The following NT5C2 variants were observed in gnomAD, a reference collection of about 807,000 sequenced individuals.
The protein encoded by NT5C2 is cytosolic purine 5'-nucleotidase.
A neutral mutation model predicts 76.1 loss-of-function variants in NT5C2; 58 were observed. That is an observed-to-expected ratio of 0.76 (90% CI 0.62 to 0.95). The LOEUF is 0.95. NT5C2 is among the 40% of genes least tolerant of loss of function. NT5C2 has a pLI of 0.00. For synonymous variants in NT5C2, 229 were observed against 237.4 expected, an observed-to-expected ratio of 0.96 and a Z score of 0.32; for missense variants, 478 against 690.3, an observed-to-expected ratio of 0.69 and a Z score of 3.45.
At chr10:103,126,493 A>G (rs2076681693) in intron 4 of NT5C2, among the ~76,000 whole-genome samples, 1 of 152,112 alleles carries the variant, frequency 6.6e-6, no homozygotes. Context: ...GCGGTGGTGC[A>G]TGCCTGTAGT....
intron 4 of NT5C2, among the ~76,000 whole-genome samples, chr10:103,129,847 T>C (rs1298026512): frequency 1.3e-5 from 1 of 75,564 alleles, no homozygotes; most frequent in African/African-American, 6.0e-5. Flanking sequence ...GGAGCCCCTC[T>C]GCCCGGCCAG....
chr10:103,089,639 T>G lies in NT5C2; in HGVS notation c.*33A>C. ...TTCCTGTGAGTCCTGCCAGGACTTGTTTAATGGGTGCTTGGGGTTTTGGTT... is the reference window on the plus strand; with the variant it reads ...TTCCTGTGAGTCCTGCCAGGACTTGGTTAATGGGTGCTTGGGGTTTTGGTT... On this transcript the variant is annotated 3_prime_UTR_variant, in exon 19 of 19. Transcript: ENST00000404739. 1 of 1,552,586 alleles carries G rather than the reference T, an allele frequency of 6.4e-7. No homozygotes were observed. The highest frequency in any genetic ancestry group is 8.7e-7 in the Non-Finnish European group (1 of 1,149,382).
intron 2 of NT5C2, among the ~76,000 whole-genome samples, chr10:103,175,191 A>T (rs1206557746): frequency 6.6e-6 from 1 of 152,216 alleles, no homozygotes; most frequent in Non-Finnish European, 1.5e-5. Flanking sequence ...TGGTAATTTC[A>T]ATCCGGAAAG....
chr10:103,112,491 G>C (rs1050051230), intron 4 of NT5C2, among the ~76,000 whole-genome samples: 2 of 152,148 alleles, frequency 1.3e-5, no homozygotes, highest in African/African-American at 4.8e-5. Flanking sequence ...AAACTACCTA[G>C]TCTAGTAAAA....
chr10:103,159,455 G>C (rs1338101098), intron 3 of NT5C2, among the ~76,000 whole-genome samples: 4 of 151,746 alleles, frequency 2.6e-5, no homozygotes, highest in African/African-American at 9.7e-5. Flanking sequence ...CACCAGACTG[G>C]ACAACATAGC....
At chr10:103,097,605 A>C (rs956553192) in intron 10 of NT5C2, among the ~76,000 whole-genome samples, 5 of 152,206 alleles carry the variant, frequency 3.3e-5, no homozygotes, top group African/African-American at 7.2e-5. Flanking sequence ...AATTATACAC[A>C]TATTTATAGG....
At chr10:103,155,091 A>G (rs550023764) in intron 3 of NT5C2, among the ~76,000 whole-genome samples, 1 of 152,370 alleles carries the variant, frequency 6.6e-6, no homozygotes, top group South Asian at 2.1e-4. Flanking sequence ...CCATGCATAC[A>G]TTAAACAAAT....
chr10:103,185,287 A>C (rs2091862732), intron 1 of NT5C2, among the ~76,000 whole-genome samples: 2 of 152,076 alleles, frequency 1.3e-5, no homozygotes, highest in African/African-American at 4.8e-5. Context: ...TACAATTTTT[A>C]CATTCAGACG....
At chr10:103,158,053 C>A (rs2083838096) in intron 3 of NT5C2, among the ~76,000 whole-genome samples, 1 of 149,318 alleles carries the variant, frequency 6.7e-6, no homozygotes. Flanking sequence ...AGCATGACAA[C>A]AGAGCGAGAC....
chr10:103,190,803 C>T (rs1040966019), intron 1 of NT5C2, among the ~76,000 whole-genome samples: 4 of 152,170 alleles, frequency 2.6e-5, no homozygotes, highest in African/African-American at 9.7e-5. Context: ...CATTACAACA[C>T]TTATTCAACA....
intron 4 of NT5C2, among the ~76,000 whole-genome samples, chr10:103,126,902 C>G (rs2076774640): frequency 6.6e-6 from 1 of 152,118 alleles, no homozygotes; most frequent in African/African-American, 2.4e-5. Flanking sequence ...ACCTCAAACT[C>G]CTGGGCTCAA....
At chr10:103,165,328 T>C (rs1380620893) in intron 3 of NT5C2, among the ~76,000 whole-genome samples, 2 of 152,088 alleles carry the variant, frequency 1.3e-5, no homozygotes, top group African/African-American at 2.4e-5. Flanking sequence ...ACTCCATTTC[T>C]ACTAAAAATA....
intron 8 of NT5C2, chr10:103,100,528 G>A (rs1354977903): frequency 1.6e-5 from 6 of 380,422 alleles, no homozygotes; most frequent in Non-Finnish European, 2.6e-5. Flanking sequence ...TAAACTTTCA[G>A]TATTGGCTAT....
intron 11 of NT5C2, among the ~76,000 whole-genome samples, chr10:103,096,491 TAAG>T (rs902100315): frequency 5.9e-5 from 9 of 152,156 alleles, no homozygotes; most frequent in Non-Finnish European, 1.0e-4. Flanking sequence ...AAGATGAAGT[TAAG>T]GAGTTAGATC....
chr10:103,117,902 T>TAA (rs146359857), intron 4 of NT5C2, among the ~76,000 whole-genome samples: 1 of 147,284 alleles, frequency 6.8e-6, no homozygotes, highest in Admixed American at 6.8e-5. Flanking sequence ...GAGCTGGGTT[T>TAA]AAAAAAAAAA....
intron 3 of NT5C2, among the ~76,000 whole-genome samples, chr10:103,145,340 T>C (rs1044104975): frequency 1.3e-5 from 2 of 152,134 alleles, no homozygotes; most frequent in African/African-American, 4.8e-5. Context: ...ACTGAGGTTA[T>C]AGCAAAACAA....
At chr10:103,173,762 TA>T (rs1170843986) in intron 3 of NT5C2, among the ~76,000 whole-genome samples, 369 of 138,976 alleles carry the variant, frequency 2.7e-3, no homozygotes, top group African/African-American at 3.3e-3. Flanking sequence ...CTGTCACTAC[TA>T]AAAAAAAAAA....
intron 4 of NT5C2, among the ~76,000 whole-genome samples, chr10:103,134,860 G>A (rs978633878): frequency 2.0e-5 from 3 of 152,244 alleles, no homozygotes; most frequent in Admixed American, 2.0e-4. Flanking sequence ...AGACCTGGAT[G>A]TGAGACACAG....
At chr10:103,145,404 C>G (rs953781439) in intron 3 of NT5C2, among the ~76,000 whole-genome samples, 3 of 152,186 alleles carry the variant, frequency 2.0e-5, no homozygotes, top group Admixed American at 1.3e-4. Flanking sequence ...AAGGCTGGCC[C>G]ACTGCCCCAT....
Sources: gnomAD v4.1 joint callset for allele counts (sites outside exome capture counted in the v4.1 genomes callset) on GRCh38, gnomAD v4.1.1 for gene constraint, MANE v1.5 for transcripts, NCBI Gene and HGNC (gene_info 2026-07-23, HGNC 2026-07-21) for gene names.